NTNG1: variants seen among roughly 807,000 people sequenced by gnomAD.
NTNG1 encodes netrin-G1.
In NTNG1, 16 loss-of-function variants were observed where a neutral mutation model predicts 54.0. The ratio of observed to expected loss-of-function variants is 0.30; its 90% CI spans 0.20 to 0.45. The LOEUF is 0.45. NTNG1 is among the 20% of genes least tolerant of loss of function. The pLI is 1.00. For missense variants in NTNG1, 530 were observed against 678.7 expected (o/e 0.78, Z 2.43); for synonymous variants, 255 against 263.1 (o/e 0.97, Z 0.30).
intron 2 of NTNG1, among the ~76,000 whole-genome samples, chr1:107,187,876 G>C (rs1657583055): frequency 6.6e-6 from 1 of 152,066 alleles, no homozygotes; most frequent in African/African-American, 2.4e-5. Flanking sequence ...AGTGAAAAGA[G>C]GAAAGGGGAA....
intron 7 of NTNG1, among the ~76,000 whole-genome samples, chr1:107,440,390 C>T (rs75088293): frequency 2.2e-3 from 336 of 152,236 alleles, no homozygotes; most frequent in Admixed American, 3.5e-3. Flanking sequence ...GGGTCTGAAT[C>T]CCTTCTCCAC....
At position 107,244,394 on chromosome 1, in the gene NTNG1, G is replaced by C. The variant is rs141354852; in HGVS notation, c.247-79888G>C. Among the ~76,000 whole-genome samples the C allele has an allele frequency of 4.0e-3, 614 of 152,202 alleles. 1 individual carries two copies. The highest frequency in any genetic ancestry group is 0.014 in the African/African-American group (577 of 41,532). On this transcript the variant is annotated intron_variant, in intron 2 of 7. Transcript: ENST00000370068. ...CTCCAAATCCCCATCATTTTAACTT[G>C]TTCTGAAATGTGCCACGTGAGGTAT... is the stretch of plus-strand genomic sequence containing the variant.
At chr1:107,474,945 G>A (rs895450882) in intron 7 of NTNG1, among the ~76,000 whole-genome samples, 2 of 152,178 alleles carry the variant, frequency 1.3e-5, no homozygotes. Context: ...TATGTACAGG[G>A]GAAGAGGAAA....
At chr1:107,161,754 A>C (rs1203112491) in intron 2 of NTNG1, among the ~76,000 whole-genome samples, 1 of 148,962 alleles carries the variant, frequency 6.7e-6, no homozygotes, top group Non-Finnish European at 1.5e-5. Flanking sequence ...GTTAGAATTA[A>C]AAAAAAAAAG....
chr1:107,427,327 TACTA>T (rs2101296495), intron 5 of NTNG1, among the ~76,000 whole-genome samples: 1 of 152,160 alleles, frequency 6.6e-6, no homozygotes, highest in South Asian at 2.1e-4. Context: ...GGACTATGGA[TACTA>T]TATAAGAAGA....
At position 107,375,007 on chromosome 1, in the gene NTNG1, T is replaced by G. The variant is rs994776418; in HGVS notation, c.888-20147T>G. On this transcript the variant is annotated intron_variant, in intron 3 of 7. Coordinates refer to ENST00000370068, the MANE Select transcript of NTNG1 (RefSeq NM_001113226.3). Reference sequence around the variant, plus strand: ...ATTAGAGATTTTCTAGTCTGACTAGTGAGCACCGGCACTATTCCTAGCCTT... The same window carrying G: ...ATTAGAGATTTTCTAGTCTGACTAGGGAGCACCGGCACTATTCCTAGCCTT... Among the ~76,000 whole-genome samples, 3 of 152,226 alleles carry G rather than the reference T, an allele frequency of 2.0e-5. No homozygotes were observed. The East Asian group carries it at 5.8e-4, about 29-fold the overall frequency.
At chr1:107,303,928 G>T (rs184690740) in intron 2 of NTNG1, among the ~76,000 whole-genome samples, 50 of 151,538 alleles carry the variant, frequency 3.3e-4, no homozygotes, top group Non-Finnish European at 2.9e-5. Context: ...CTCATAATCC[G>T]CCCGCCTTGG....
At chr1:107,193,217 T>G (rs1185348149) in intron 2 of NTNG1, among the ~76,000 whole-genome samples, 1 of 152,028 alleles carries the variant, frequency 6.6e-6, no homozygotes, top group African/African-American at 2.4e-5. Context: ...CTCTTGTCAC[T>G]TCTCAATACT....
At chr1:107,178,331 T>C (rs1656799470) in intron 2 of NTNG1, among the ~76,000 whole-genome samples, 1 of 152,182 alleles carries the variant, frequency 6.6e-6, no homozygotes, top group Non-Finnish European at 1.5e-5. Flanking sequence ...TGAAAAATCA[T>C]GCCATCTTTT....
intron 2 of NTNG1, among the ~76,000 whole-genome samples, chr1:107,268,476 C>A (rs1663900347): frequency 7.5e-6 from 1 of 132,802 alleles, no homozygotes; most frequent in African/African-American, 2.9e-5. Flanking sequence ...TCTTGGCTGT[C>A]TCTCATCATA....
chr1:107,345,447 G>T (rs188015505), intron 3 of NTNG1, among the ~76,000 whole-genome samples: 189 of 152,298 alleles, frequency 1.2e-3, no homozygotes, highest in African/African-American at 4.3e-3. Context: ...TCACTAGACA[G>T]GTGTGAGCCG....
intron 7 of NTNG1, among the ~76,000 whole-genome samples, chr1:107,480,066 C>T (rs1678587086): frequency 6.6e-6 from 1 of 152,062 alleles, no homozygotes; most frequent in African/African-American, 2.4e-5. Flanking sequence ...ATGCTACTTT[C>T]CCCGTGTCCC....
At chr1:107,178,127 T>G (rs1214948395) in intron 2 of NTNG1, among the ~76,000 whole-genome samples, 1 of 146,720 alleles carries the variant, frequency 6.8e-6, no homozygotes, top group Non-Finnish European at 1.5e-5. Context: ...GGTTAACTCT[T>G]TAAGTTGAAA....
intron 2 of NTNG1, among the ~76,000 whole-genome samples, chr1:107,207,783 A>T (rs573210931): frequency 6.6e-6 from 1 of 152,160 alleles, no homozygotes; most frequent in Non-Finnish European, 1.5e-5. Context: ...CTCATGTTTC[A>T]TGGAACTTGT....
intron 2 of NTNG1, among the ~76,000 whole-genome samples, chr1:107,277,302 A>G (rs1434245829): frequency 6.6e-6 from 1 of 152,142 alleles, no homozygotes; most frequent in Non-Finnish European, 1.5e-5. Flanking sequence ...GGTCAGTTAC[A>G]ATCCTTGCAG....
intron 2 of NTNG1, among the ~76,000 whole-genome samples, chr1:107,276,780 A>T (rs1196279888): frequency 6.6e-6 from 1 of 151,982 alleles, no homozygotes; most frequent in Non-Finnish European, 1.5e-5. Context: ...AATGATATTC[A>T]TGCCTAGTAT....
At chr1:107,205,582 T>C (rs1244354320) in intron 2 of NTNG1, among the ~76,000 whole-genome samples, 1 of 152,140 alleles carries the variant, frequency 6.6e-6, no homozygotes, top group Non-Finnish European at 1.5e-5. Flanking sequence ...ATCCTGAATA[T>C]TTTCTTTACA....
chr1:107,163,190 G>C (rs1655535794), intron 2 of NTNG1, among the ~76,000 whole-genome samples: 1 of 152,052 alleles, frequency 6.6e-6, no homozygotes, highest in Non-Finnish European at 1.5e-5. Flanking sequence ...AAGCTTTTTG[G>C]GTTTTTAGAC....
At position 107,261,541 on chromosome 1, in the gene NTNG1, G is replaced by T. The variant is rs920972618; in HGVS notation, c.247-62741G>T. ...GTTGTTGATTTTAGAAGATAAATTT[G>T]CTATTTAAAAAGATAACTAGGGCCA... On this transcript the variant is annotated intron_variant, in intron 2 of 7. Coordinates refer to ENST00000370068, the MANE Select transcript of NTNG1 (RefSeq NM_001113226.3). 5.3e-5 allele frequency among the ~76,000 whole-genome samples: 8 copies of T among 152,152 alleles called. No individual in the cohort carries two copies. In the East Asian group the frequency reaches 1.2e-3, roughly 22 times the overall value.
Sources: allele counts gnomAD v4.1 joint callset (sites outside exome capture counted in the v4.1 genomes callset), GRCh38; gene constraint gnomAD v4.1.1; transcripts MANE v1.5; gene names NCBI Gene and HGNC (gene_info 2026-07-23, HGNC 2026-07-21).